Variants in TBC1D5 observed in about 807,000 individuals in gnomAD.
TBC1D5 encodes the protein TBC1 domain family member 5.
In TBC1D5, 75 loss-of-function variants were observed where a neutral mutation model predicts 100.3. That is an observed-to-expected ratio of 0.75 (90% CI 0.62 to 0.91). The LOEUF is 0.91. TBC1D5 is among the 40% of genes least tolerant of loss of function. The pLI is 0.00. For missense variants in TBC1D5, 910 were observed against 942.4 expected (o/e 0.97, Z 0.45); for synonymous variants, 323 against 325.6 (o/e 0.99, Z 0.09).
intron 3 of TBC1D5, among the ~76,000 whole-genome samples, chr3:17,429,134 T>A (rs1340840793): frequency 6.6e-6 from 1 of 151,936 alleles, no homozygotes; most frequent in Non-Finnish European, 1.5e-5. Flanking sequence ...GTATTTGTCT[T>A]CTATAATAAT....
chr3:17,504,836 A>G (rs1177704604), intron 3 of TBC1D5, among the ~76,000 whole-genome samples: 1 of 152,204 alleles, frequency 6.6e-6, no homozygotes, highest in Non-Finnish European at 1.5e-5. Context: ...CACCTCTACT[A>G]TATGGAAAAC....
intron 4 of TBC1D5, 134 bp downstream of exon 4, chr3:17,428,316 A>G: frequency 3.9e-6 from 1 of 257,182 alleles, no homozygotes; most frequent in Non-Finnish European, 7.3e-6. Context: ...CCTTGTTAAA[A>G]CACAAGTAGT....
At chr3:17,573,076 C>T (rs1182658466) in intron 2 of TBC1D5, among the ~76,000 whole-genome samples, 1 of 152,020 alleles carries the variant, frequency 6.6e-6, no homozygotes, top group African/African-American at 2.4e-5. Flanking sequence ...TTGAGAGATC[C>T]ATACATTCAA....
intron 3 of TBC1D5, among the ~76,000 whole-genome samples, chr3:17,441,040 G>C (rs1456055694): frequency 1.3e-5 from 2 of 152,156 alleles, no homozygotes; most frequent in Admixed American, 6.5e-5. Flanking sequence ...GACTGGATAA[G>C]AAGCTGTGTG....
chr3:17,548,503 T>C (rs1289587325), intron 2 of TBC1D5, among the ~76,000 whole-genome samples: 1 of 152,200 alleles, frequency 6.6e-6, no homozygotes, highest in Non-Finnish European at 1.5e-5. Flanking sequence ...TTTGTGCATC[T>C]TCTACCCAAA....
At chr3:17,636,930 A>C (rs2063993676) in intron 1 of TBC1D5, among the ~76,000 whole-genome samples, 1 of 152,202 alleles carries the variant, frequency 6.6e-6, no homozygotes, top group Admixed American at 6.5e-5. Context: ...AAAATTTGTA[A>C]GACAGTAGGG....
At chr3:17,370,045 T>C (rs140745394) in intron 13 of TBC1D5, among the ~76,000 whole-genome samples, 8 of 152,258 alleles carry the variant, frequency 5.3e-5, no homozygotes, top group African/African-American at 1.9e-4. Context: ...GGAATTTTAA[T>C]GGGAAGGTAC....
At chr3:17,703,903 G>GTT (rs36000123) in intron 1 of TBC1D5, among the ~76,000 whole-genome samples, 1 of 145,112 alleles carries the variant, frequency 6.9e-6, no homozygotes, top group Admixed American at 6.8e-5. Flanking sequence ...TGATATTTGT[G>GTT]TTTTTTTTTT....
At chr3:17,640,292 A>C (rs566769614) in intron 1 of TBC1D5, among the ~76,000 whole-genome samples, 3 of 152,314 alleles carry the variant, frequency 2.0e-5, no homozygotes, top group Admixed American at 6.5e-5. Flanking sequence ...AGAGAAAATA[A>C]GCCTGAATTA....
intron 10 of TBC1D5, among the ~76,000 whole-genome samples, chr3:17,375,223 C>T (rs2092656854): frequency 6.6e-6 from 1 of 151,948 alleles, no homozygotes; most frequent in Non-Finnish European, 1.5e-5. Context: ...TTATATTCTA[C>T]ATGCACATTT....
chr3:17,709,700 A>G (rs1414833981), intron 1 of TBC1D5, among the ~76,000 whole-genome samples: 1 of 152,220 alleles, frequency 6.6e-6, no homozygotes, highest in African/African-American at 2.4e-5. Flanking sequence ...TACCAGAAAG[A>G]CAGAAAAGAC....
At chr3:17,219,997 CTA>C (rs1162768154) in intron 17 of TBC1D5, among the ~76,000 whole-genome samples, 1 of 152,072 alleles carries the variant, frequency 6.6e-6, no homozygotes, top group East Asian at 1.9e-4. Context: ...GGAAATTTGT[CTA>C]TGTCATATGT....
At chr3:17,364,321 T>G (rs2091960904) in intron 13 of TBC1D5, among the ~76,000 whole-genome samples, 1 of 152,144 alleles carries the variant, frequency 6.6e-6, no homozygotes, top group Non-Finnish European at 1.5e-5. Context: ...CATCTTCTCA[T>G]GTACTCAAAA....
chr3:17,693,503 A>T lies in TBC1D5; in HGVS notation c.-101+45840T>A, dbSNP rs542380977. On this transcript the variant is annotated intron_variant, in intron 1 of 21. Coordinates refer to ENST00000253692, the Ensembl canonical transcript of TBC1D5. The stretch of plus-strand genomic sequence containing the variant: ...TGCTAGCGCAGCAGTCTGAGATTGA[A>T]CCACGAGGCGGCAGCCTGGCTGGGG... Among the ~76,000 whole-genome samples the T allele has an allele frequency of 2.6e-5, 4 of 152,220 alleles. No homozygotes were observed. The East Asian group carries it at 7.7e-4, about 29-fold the overall frequency.
intron 3 of TBC1D5, among the ~76,000 whole-genome samples, chr3:17,431,581 G>C: frequency 6.6e-6 from 1 of 151,898 alleles, no homozygotes; most frequent in Non-Finnish European, 1.5e-5. Context: ...TCAATTACTT[G>C]TGACCGTAAG....
chr3:17,337,827 T>TC (rs1328591735), intron 13 of TBC1D5, among the ~76,000 whole-genome samples: 2 of 152,176 alleles, frequency 1.3e-5, no homozygotes, highest in African/African-American at 4.8e-5. Context: ...TTTGATTTTT[T>TC]CCCACTGTCT....
At chr3:17,590,806 A>C (rs2096761856) in intron 2 of TBC1D5, among the ~76,000 whole-genome samples, 1 of 152,184 alleles carries the variant, frequency 6.6e-6, no homozygotes, top group South Asian at 2.1e-4. Context: ...AGTCTGATTC[A>C]CGTAGAGCTT....
At chr3:17,438,145 C>T (rs960556921) in intron 3 of TBC1D5, among the ~76,000 whole-genome samples, 2 of 152,114 alleles carry the variant, frequency 1.3e-5, no homozygotes, top group Admixed American at 6.5e-5. Context: ...AGCACCTTTT[C>T]GAGAAAGAGT....
chr3:17,383,491 T>G (rs1473879559), intron 9 of TBC1D5, among the ~76,000 whole-genome samples: 1 of 152,000 alleles, frequency 6.6e-6, no homozygotes, highest in Non-Finnish European at 1.5e-5. Flanking sequence ...TAAAGAAACT[T>G]TCTGAAGTTC....
Sources: allele counts gnomAD v4.1 joint callset (sites outside exome capture counted in the v4.1 genomes callset), GRCh38; gene constraint gnomAD v4.1.1; transcripts MANE v1.5; gene names NCBI Gene and HGNC (gene_info 2026-07-23, HGNC 2026-07-21).